The following SNTB1 variants were observed in gnomAD, a reference collection of about 807,000 sequenced individuals.
SNTB1 encodes the protein beta-1-syntrophin.
SNTB1 carries 36 observed loss-of-function variants against 48.9 expected under a neutral mutation model. The observed-to-expected ratio is 0.74, with a 90% CI of 0.56 to 0.97. The LOEUF (loss-of-function observed/expected upper bound fraction) is 0.97. SNTB1 is among the 50% of genes least tolerant of loss of function. SNTB1 has a pLI of 0.00. For missense variants in SNTB1, 786 were observed against 703.4 expected, an observed-to-expected ratio of 1.12 and a Z score of -1.33; for synonymous variants, 299 against 294.6, an observed-to-expected ratio of 1.01 and a Z score of -0.15.
At chr8:120,563,973 AG>A (rs1815705528) in intron 4 of SNTB1, among the ~76,000 whole-genome samples, 1 of 152,056 alleles carries the variant, frequency 6.6e-6, no homozygotes, top group Non-Finnish European at 1.5e-5. Context: ...CCAGGCATGG[AG>A]GCTTACACCT....
chr8:120,795,175 T>C (rs2130164282), intron 1 of SNTB1, among the ~76,000 whole-genome samples: 1 of 152,118 alleles, frequency 6.6e-6, no homozygotes, highest in South Asian at 2.1e-4. Context: ...CGTGTAAAGA[T>C]TTTAGCAAAT....
At chr8:120,632,304 A>G in intron 3 of SNTB1, 140 bp downstream of exon 3, 1 of 813,580 alleles carries the variant, frequency 1.2e-6, no homozygotes, top group Non-Finnish European at 2.0e-6. Flanking sequence ...AAAGGCCTGT[A>G]GCCTGCTGGA....
At position 120,811,922 on chromosome 8, in the gene SNTB1, G is replaced by A. The variant is rs1820446769; in HGVS notation, c.-79C>T. On this transcript the variant is annotated 5_prime_UTR_variant, in exon 1 of 7. Coordinates refer to ENST00000517992, the MANE Select transcript of SNTB1 (RefSeq NM_021021.4). ...AAGGGTGGCCGGGGGGAGGACGCGG[G>A]GCCCGGGGGAGCGAGGAGAGTGCGT... The A allele has an allele frequency of 6.2e-6, 8 of 1,285,782 alleles. No homozygotes were observed. Among genetic ancestry groups the A allele is most frequent in the Non-Finnish European group, 7.8e-6 (8 of 1,020,690 alleles). 79.6% of individuals were successfully genotyped at this position (1,285,782 alleles called of 1,614,324 possible).
At chr8:120,653,241 A>T (rs1817438207) in intron 2 of SNTB1, among the ~76,000 whole-genome samples, 1 of 152,180 alleles carries the variant, frequency 6.6e-6, no homozygotes, top group Non-Finnish European at 1.5e-5. Context: ...ACATTATCTC[A>T]TTATTCCACC....
chr8:120,780,128 A>G (rs1479830637), intron 1 of SNTB1, among the ~76,000 whole-genome samples: 3 of 151,446 alleles, frequency 2.0e-5, no homozygotes, highest in African/African-American at 7.3e-5. Context: ...GAGAACCAGG[A>G]AAGAGTGCTA....
chr8:120,550,542 T>TA (rs11445916), intron 4 of SNTB1, among the ~76,000 whole-genome samples: 78,213 of 126,528 alleles, frequency 0.62, 26,158 homozygotes, highest in Non-Finnish European at 0.77. Context: ...ACTCTGTCTT[T>TA]AAAAAAAAAA....
At chr8:120,707,750 T>C (rs1463252791) in intron 1 of SNTB1, among the ~76,000 whole-genome samples, 1 of 152,168 alleles carries the variant, frequency 6.6e-6, no homozygotes, top group Admixed American at 6.6e-5. Flanking sequence ...TCCCACATCT[T>C]ATAAATCTAA....
In SNTB1 at chr8:120,794,882, T is replaced by A. The variant is rs1016132418; in HGVS notation, c.571+16391A>T. ...TTCCCAAGAGCTTCTTGGTTTACCA[T>A]TATCTTTACAAACCATTTTAAAACC... On this transcript the variant is annotated intron_variant, in intron 1 of 6. Coordinates refer to ENST00000517992, the MANE Select transcript of SNTB1 (RefSeq NM_021021.4). 3.9e-4 allele frequency among the ~76,000 whole-genome samples: 60 copies of A among 152,054 alleles called. 1 individual carries two copies. The highest frequency in any genetic ancestry group is 1.0e-4 in the Non-Finnish European group (7 of 67,978).
At chr8:120,558,733 G>A (rs1815607397) in intron 4 of SNTB1, among the ~76,000 whole-genome samples, 1 of 152,124 alleles carries the variant, frequency 6.6e-6, no homozygotes, top group South Asian at 2.1e-4. Context: ...TTCCTCAACT[G>A]CAAACTGGGG....
At chr8:120,707,597 G>T (rs1233605706) in intron 1 of SNTB1, among the ~76,000 whole-genome samples, 1 of 152,166 alleles carries the variant, frequency 6.6e-6, no homozygotes, top group Non-Finnish European at 1.5e-5. Flanking sequence ...AGGAATGATG[G>T]TGAGCATCAG....
chr8:120,640,455 C>T (rs1415115668), intron 2 of SNTB1, among the ~76,000 whole-genome samples: 2 of 152,140 alleles, frequency 1.3e-5, no homozygotes, highest in Non-Finnish European at 2.9e-5. Flanking sequence ...CTGTCTTGTG[C>T]CAGTTTTCAG....
intron 3 of SNTB1, among the ~76,000 whole-genome samples, chr8:120,631,404 G>GTCTTT (rs1349718826): frequency 5.9e-5 from 9 of 152,288 alleles, no homozygotes; most frequent in African/African-American, 2.2e-4. Context: ...TTTAGGCTAA[G>GTCTTT]ACCCGCGCAT....
intron 1 of SNTB1, among the ~76,000 whole-genome samples, chr8:120,767,178 G>C (rs76211323): frequency 6.6e-6 from 1 of 151,846 alleles, no homozygotes; most frequent in Non-Finnish European, 1.5e-5. Context: ...TAATTCTCTC[G>C]TAAGAACCTT....
intron 4 of SNTB1, among the ~76,000 whole-genome samples, chr8:120,569,004 T>C (rs1003253095): frequency 1.3e-5 from 2 of 152,176 alleles, no homozygotes; most frequent in East Asian, 1.9e-4. Flanking sequence ...GTTTTTGAGA[T>C]AGAGTCTTGC....
intron 4 of SNTB1, among the ~76,000 whole-genome samples, chr8:120,559,845 G>C (rs1472199522): frequency 6.6e-6 from 1 of 151,756 alleles, no homozygotes; most frequent in East Asian, 1.9e-4. Flanking sequence ...TACATATTAG[G>C]TAACTGGGTT....
intron 1 of SNTB1, among the ~76,000 whole-genome samples, chr8:120,699,638 C>A (rs1303046508): frequency 2.6e-5 from 4 of 152,168 alleles, no homozygotes; most frequent in Non-Finnish European, 1.5e-5. Context: ...TATAAATTAC[C>A]CAAGCCCAGG....
chr8:120,557,284 C>T (rs763633909), intron 4 of SNTB1, among the ~76,000 whole-genome samples: 1 of 152,192 alleles, frequency 6.6e-6, no homozygotes, highest in Non-Finnish European at 1.5e-5. Context: ...AGAATATTCT[C>T]CCCTCAAAAG....
At chr8:120,677,552 A>T (rs1817857422) in intron 2 of SNTB1, among the ~76,000 whole-genome samples, 1 of 152,158 alleles carries the variant, frequency 6.6e-6, no homozygotes, top group Admixed American at 6.5e-5. Context: ...CCCTCTAAAA[A>T]ATTCTTAACA....
intron 4 of SNTB1, among the ~76,000 whole-genome samples, chr8:120,573,522 A>C (rs1815892273): frequency 2.0e-5 from 3 of 151,934 alleles, no homozygotes; most frequent in African/African-American, 7.3e-5. Flanking sequence ...GCTATGCAGA[A>C]GCTTTCCAGT....
Sources: allele counts gnomAD v4.1 joint callset (sites outside exome capture counted in the v4.1 genomes callset), GRCh38; gene constraint gnomAD v4.1.1; transcripts MANE v1.5; gene names NCBI Gene and HGNC (gene_info 2026-07-23, HGNC 2026-07-21).